Variants in NLGN4X observed in about 807,000 individuals in gnomAD.
NLGN4X encodes neuroligin-4, X-linked.
Under a neutral mutation model 40.3 loss-of-function variants are expected in NLGN4X, and 3 were observed. That is an observed-to-expected ratio of 0.07 (90% confidence interval 0.03 to 0.19). The LOEUF (loss-of-function observed/expected upper bound fraction) is 0.19, where lower values mean the gene tolerates loss of function less well. Ranked by LOEUF, NLGN4X falls within the 10% of genes least tolerant of loss-of-function variation. The pLI, the probability that NLGN4X is intolerant of heterozygous loss-of-function variation, is 1.00. For synonymous variants in NLGN4X, 270 were observed against 306.8 expected (o/e 0.88, Z 1.25); for missense variants, 382 against 708.3 (o/e 0.54, Z 5.23).
At chrX:6,029,205 C>G (rs987879369) in intron 3 of NLGN4X, 75 bp downstream of exon 3, 1 of 1,102,328 alleles carries the variant, frequency 9.1e-7, no homozygotes, top group African/African-American at 1.8e-5. Context: ...TTCAAATCCA[C>G]GAGCCCCGTC....
chrX:6,182,812 A>G (rs1021592223), intron 1 of NLGN4X, among the ~76,000 whole-genome samples: 2 of 111,971 alleles, frequency 1.8e-5, no homozygotes, highest in African/African-American at 6.5e-5. Flanking sequence ...CGAAGGAAGG[A>G]GCCCTGCTGA....
chrX:5,932,028 A>G lies in NLGN4X; in HGVS notation c.626-22789T>C, dbSNP rs374393784. On this transcript the variant is annotated intron_variant, in intron 3 of 5. Coordinates refer to ENST00000381095, the MANE Select transcript of NLGN4X (RefSeq NM_181332.3). ...TAGAACTCGAGGGCAGCCATCAGGT[A>G]GTGGGACTCTGGCAAGCCCACGGAA... 4.6e-4 allele frequency among the ~76,000 whole-genome samples: 51 copies of G among 111,594 alleles called. 1 individual carries two copies. Among genetic ancestry groups the G allele is most frequent in the African/African-American group, 1.5e-3 (45 of 30,712 alleles).
At chrX:5,991,858 C>G (rs1300674259) in intron 3 of NLGN4X, among the ~76,000 whole-genome samples, 1 of 111,797 alleles carries the variant, frequency 8.9e-6, no homozygotes, top group Admixed American at 9.5e-5. Flanking sequence ...GTGTCACAAT[C>G]TAATTCCATT....
intron 3 of NLGN4X, among the ~76,000 whole-genome samples, chrX:5,969,352 A>T (rs978768686): frequency 1.8e-5 from 2 of 111,554 alleles, no homozygotes; most frequent in East Asian, 5.6e-4. Flanking sequence ...CCCCATCAAA[A>T]AGTGGGCAAA....
At chrX:5,955,152 C>A (rs1163903414) in intron 3 of NLGN4X, among the ~76,000 whole-genome samples, 1 of 112,274 alleles carries the variant, frequency 8.9e-6, no homozygotes, top group Non-Finnish European at 1.9e-5. Flanking sequence ...TCCTTACCAT[C>A]TGGTAACACC....
At chrX:6,130,954 A>G (rs1186671904) in intron 2 of NLGN4X, among the ~76,000 whole-genome samples, 1 of 111,926 alleles carries the variant, frequency 8.9e-6, no homozygotes, top group Non-Finnish European at 1.9e-5. Context: ...CACTATAATT[A>G]TGGCGTAGTG....
chrX:6,163,932 A>G (rs1262681688), intron 1 of NLGN4X, among the ~76,000 whole-genome samples: 1 of 112,931 alleles, frequency 8.9e-6, no homozygotes, highest in Admixed American at 9.3e-5. Flanking sequence ...ACACAAGGAA[A>G]CCAGAAGGAA....
chrX:5,944,662 AAAAAAAAAAAAG>A (rs1268784849), intron 3 of NLGN4X, among the ~76,000 whole-genome samples: 1 of 108,169 alleles, frequency 9.2e-6, no homozygotes, highest in African/African-American at 3.4e-5. Context: ...AAAAAAAAAA[AAAAAAAAAAAAG>A]AAGAAGAAAT....
chrX:6,181,771 G>A (rs937796767), intron 1 of NLGN4X, among the ~76,000 whole-genome samples: 8 of 112,299 alleles, frequency 7.1e-5, no homozygotes, highest in Non-Finnish European at 1.1e-4. Flanking sequence ...CATAAGTTTC[G>A]GAGGGGATAT....
chrX:5,905,594 C>T (rs1458456232), intron 4 of NLGN4X, among the ~76,000 whole-genome samples: 1 of 112,404 alleles, frequency 8.9e-6, no homozygotes, highest in Non-Finnish European at 1.9e-5. Flanking sequence ...TGGTGAACAT[C>T]TTCATAAAAC....
At chrX:5,924,696 C>A (rs1359890430) in intron 3 of NLGN4X, among the ~76,000 whole-genome samples, 1 of 111,955 alleles carries the variant, frequency 8.9e-6, no homozygotes, top group Non-Finnish European at 1.9e-5. Context: ...GAATTAATGG[C>A]ATTCACAGCT....
chrX:6,112,614 C>T (rs1397476360), intron 2 of NLGN4X, among the ~76,000 whole-genome samples: 1 of 103,639 alleles, frequency 9.6e-6, no homozygotes, highest in Non-Finnish European at 2.0e-5. Context: ...GATGGAGTCT[C>T]GCTCTATCAC....
At chrX:5,972,203 ATGTGTGTGGG>A (rs1158914403) in intron 3 of NLGN4X, among the ~76,000 whole-genome samples, 1 of 110,608 alleles carries the variant, frequency 9.0e-6, no homozygotes, top group Non-Finnish European at 1.9e-5. Context: ...TTGTGTGTGC[ATGTGTGTGGG>A]TGTGTGTGCA....
At chrX:5,902,588 C>T (rs1420361079) in intron 5 of NLGN4X, among the ~76,000 whole-genome samples, 1 of 111,907 alleles carries the variant, frequency 8.9e-6, no homozygotes, top group Non-Finnish European at 1.9e-5. Context: ...ACTCAGGAGG[C>T]TGAGGCAGGA....
chrX:5,961,067 G>A (rs749903785), intron 3 of NLGN4X, among the ~76,000 whole-genome samples: 2 of 108,642 alleles, frequency 1.8e-5, no homozygotes, highest in African/African-American at 6.7e-5. Context: ...TCCCTCTGTC[G>A]CCCAGGCTGG....
intron 1 of NLGN4X, among the ~76,000 whole-genome samples, chrX:6,193,011 G>A (rs1157254344): frequency 8.9e-6 from 1 of 111,893 alleles, no homozygotes; most frequent in Non-Finnish European, 1.9e-5. Flanking sequence ...GCCACACAGT[G>A]GTTCCCGAGT....
intron 1 of NLGN4X, among the ~76,000 whole-genome samples, chrX:6,211,135 C>A (rs759768832): frequency 2.5e-4 from 28 of 111,662 alleles, no homozygotes; most frequent in African/African-American, 8.7e-4. Context: ...TTATCATAAC[C>A]AGAAATTTTC....
chrX:6,182,167 G>T (rs976464021), intron 1 of NLGN4X, among the ~76,000 whole-genome samples: 4 of 111,833 alleles, frequency 3.6e-5, no homozygotes, highest in Admixed American at 2.8e-4. Context: ...GTCATGAAAT[G>T]GGATAGAAAA....
intron 2 of NLGN4X, among the ~76,000 whole-genome samples, chrX:6,065,302 CACAA>C (rs1193743063): frequency 5.5e-5 from 6 of 109,363 alleles, no homozygotes; most frequent in African/African-American, 1.7e-4. Context: ...ATAAAATTCC[CACAA>C]ACAAACAGAA....
Sources: gnomAD v4.1 joint callset for allele counts (sites outside exome capture counted in the v4.1 genomes callset) on GRCh38, gnomAD v4.1.1 for gene constraint, MANE v1.5 for transcripts, NCBI Gene and HGNC (gene_info 2026-07-23, HGNC 2026-07-21) for gene names.